KCNJ1: variants seen among roughly 807,000 people sequenced by gnomAD.
KCNJ1 encodes potassium inwardly rectifying channel subfamily J member 1.
In KCNJ1, 24 loss-of-function variants were observed where a neutral mutation model predicts 21.9. That is an observed-to-expected ratio of 1.10 (90% CI 0.79 to 1.54). KCNJ1 has a LOEUF of 1.54. Among genes scored for constraint, KCNJ1 ranks in the 40% most tolerant of loss-of-function variants. The pLI is 0.00. For missense variants in KCNJ1, 457 were observed against 455.4 expected, an observed-to-expected ratio of 1.00 and a Z score of -0.03; for synonymous variants, 152 against 160.9, an observed-to-expected ratio of 0.94 and a Z score of 0.42.
chr11:128,842,417 T>C, intron 2 of KCNJ1: 1 of 1,613,854 alleles, frequency 6.2e-7, no homozygotes, highest in South Asian at 1.1e-5. Context: ...GAAGCATTCA[T>C]GGCTGGAAAA....
chr11:128,865,344 G>T (rs114374041), intron 1 of KCNJ1, among the ~76,000 whole-genome samples: 1 of 151,994 alleles, frequency 6.6e-6, no homozygotes, highest in Non-Finnish European at 1.5e-5. Flanking sequence ...CATGCACATA[G>T]CCCCTAGCCC....
chr11:128,848,105 G>C (rs1400693628), intron 2 of KCNJ1, among the ~76,000 whole-genome samples: 1 of 151,956 alleles, frequency 6.6e-6, no homozygotes, highest in African/African-American at 2.4e-5. Flanking sequence ...TGGCTAACAT[G>C]GTGAAACTCC....
chr11:128,857,619 G>A (rs1235132728), intron 1 of KCNJ1, among the ~76,000 whole-genome samples: 2 of 152,216 alleles, frequency 1.3e-5, no homozygotes, highest in Non-Finnish European at 2.9e-5. Flanking sequence ...AGGGGAGAGA[G>A]AAGCTATTTT....
chr11:128,866,623 C>G (rs1324722302), intron 1 of KCNJ1: 1 of 613,438 alleles, frequency 1.6e-6, no homozygotes, highest in East Asian at 1.4e-4. Flanking sequence ...CCAAATGTAT[C>G]CATTCAGAAT....
chr11:128,838,517 C>G lies in KCNJ1; in HGVS notation c.*608G>C, dbSNP rs1943208323. On this transcript the variant is annotated 3_prime_UTR_variant, in exon 3 of 3. Coordinates refer to ENST00000392666, the MANE Select transcript of KCNJ1 (RefSeq NM_153766.3). The stretch of plus-strand genomic sequence containing the variant: ...ACCACTTTTAACTAAAGCATTCTGT[C>G]TTGCAGGAAGGTATCATCAAGATTC... 1 of 153,888 alleles carries G rather than the reference C, an allele frequency of 6.5e-6. No homozygotes were observed. The highest frequency in any genetic ancestry group is 2.4e-5 in the African/African-American group (1 of 41,454). The allele number at this position is 153,888 out of a possible 1,614,324, so 9.5% of individuals were successfully genotyped here.
chr11:128,840,289 A>G (rs1943262155), intron 2 of KCNJ1, 25 bp from the exon 3 acceptor site: 1 of 1,610,336 alleles, frequency 6.2e-7, no homozygotes, highest in Admixed American at 1.7e-5. Context: ...AAGAAAAACA[A>G]AAAAGGATTA....
intron 1 of KCNJ1, among the ~76,000 whole-genome samples, chr11:128,859,671 G>A (rs1438067483): frequency 2.0e-5 from 3 of 152,134 alleles, no homozygotes; most frequent in Non-Finnish European, 4.4e-5. Context: ...GGAAAGGCTG[G>A]CCCTCCCTCC....
In KCNJ1 at chr11:128,839,514, T is replaced by C. The variant is rs765371025; in HGVS notation, c.730A>G (p.Ile244Val). The C allele has an allele frequency of 4.3e-6, 7 of 1,614,094 alleles. No homozygotes were observed. Among genetic ancestry groups the C allele is most frequent in the African/African-American group, 1.3e-5 (1 of 74,934 alleles). Reference sequence around the variant, plus strand: ...ACATGGTAAATTGTCAATGGGGAGATGAAGAATAAATTTTCATTCCCAGCG... The same window carrying C: ...ACATGGTAAATTGTCAATGGGGAGACGAAGAATAAATTTTCATTCCCAGCG... ...VDAGNENLFF[I>V]SPLTIYHVID... The change falls in exon 3 of 3, where the codon ATC becomes GTC. Residue 244 changes from isoleucine to valine, a missense_variant. Coordinates refer to ENST00000392666, the MANE Select transcript of KCNJ1 (RefSeq NM_153766.3).
intron 1 of KCNJ1, among the ~76,000 whole-genome samples, chr11:128,860,538 T>A (rs1943686281): frequency 6.6e-6 from 1 of 152,186 alleles, no homozygotes. Flanking sequence ...AAGTCAGAGA[T>A]TCCAGAAGAT....
chr11:128,865,789 A>G (rs2135965595), intron 1 of KCNJ1, among the ~76,000 whole-genome samples: 1 of 152,298 alleles, frequency 6.6e-6, no homozygotes, highest in African/African-American at 2.4e-5. Flanking sequence ...AAAGGAAAAG[A>G]ACGTGAATGG....
At position 128,848,058 on chromosome 11, in the gene KCNJ1, G is replaced by A. The variant is rs182967595; in HGVS notation, c.-22+2663C>T. Among the ~76,000 whole-genome samples, 942 of 152,076 alleles carry A rather than the reference G, an allele frequency of 6.2e-3. 3 individuals carry two copies. The highest frequency in any genetic ancestry group is 0.01 in the Non-Finnish European group (697 of 67,974). The stretch of plus-strand genomic sequence containing the variant: ...AATCCCAGCACTTTGGGAGGCCGAG[G>A]TGGGTGGATCACGAGGTCAGGAGAT... On this transcript the variant is annotated intron_variant, in intron 2 of 2. Coordinates refer to ENST00000392666, the MANE Select transcript of KCNJ1 (RefSeq NM_153766.3).
chr11:128,844,753 GC>G (rs1385552537), intron 2 of KCNJ1, among the ~76,000 whole-genome samples: 2 of 151,840 alleles, frequency 1.3e-5, no homozygotes, highest in African/African-American at 4.8e-5. Flanking sequence ...CAGTCAAACA[GC>G]CACTATGTCA....
At chr11:128,848,334 C>T (rs1274174853) in intron 2 of KCNJ1, among the ~76,000 whole-genome samples, 1 of 150,288 alleles carries the variant, frequency 6.7e-6, no homozygotes, top group African/African-American at 2.5e-5. Context: ...CGGGTGTGCA[C>T]CACCATGCCC....
At chr11:128,840,310 A>G in intron 2 of KCNJ1, 46 bp from the exon 3 acceptor site, 2 of 1,573,350 alleles carry the variant, frequency 1.3e-6, no homozygotes, top group Non-Finnish European at 1.7e-6. Flanking sequence ...TGTTTATAGC[A>G]ATAGTGAACT....
Position 128,838,124 on chromosome 11 carries a change from A to AGGT in KCNJ1, c.*998_*1000dup, listed in dbSNP as rs1785995141. 6.5e-6 allele frequency: 1 copy of AGGT among 152,674 alleles called. No homozygotes were observed. The highest frequency in any genetic ancestry group is 1.5e-5 in the Non-Finnish European group (1 of 68,046). The allele number at this position is 152,674 out of a possible 1,614,324, so 9.5% of individuals were successfully genotyped here. A position where few individuals can be genotyped will look rare whatever the true frequency, so the allele number is the denominator to read the frequency against. ...TTCCAGGACACATTCGGAATGATGCAGGTGGGGATCTGAAGAAGACTTTCA... is the reference window on the plus strand; with the variant it reads ...TTCCAGGACACATTCGGAATGATGCAGGTGGTGGGGATCTGAAGAAGACTTTCA... On this transcript the variant is annotated 3_prime_UTR_variant, in exon 3 of 3. Coordinates refer to ENST00000392666, the MANE Select transcript of KCNJ1 (RefSeq NM_153766.3).
At chr11:128,860,521 C>T (rs768391582) in intron 1 of KCNJ1, among the ~76,000 whole-genome samples, 18 of 152,108 alleles carry the variant, frequency 1.2e-4, no homozygotes, top group Non-Finnish European at 1.9e-4. Context: ...GTCTCTGTGC[C>T]GTCACTAAGT....
intron 1 of KCNJ1, among the ~76,000 whole-genome samples, chr11:128,864,988 A>C (rs1310374184): frequency 6.6e-6 from 1 of 151,984 alleles, no homozygotes; most frequent in Non-Finnish European, 1.5e-5. Context: ...TCAGCATCAC[A>C]TACTAGGTCC....
intron 2 of KCNJ1, among the ~76,000 whole-genome samples, chr11:128,847,074 C>G (rs1308545409): frequency 1.3e-5 from 2 of 152,094 alleles, no homozygotes; most frequent in Non-Finnish European, 1.5e-5. Flanking sequence ...GTCTTCTCAC[C>G]TAGATAATAA....
At chr11:128,861,786 C>G (rs897574896) in intron 1 of KCNJ1, among the ~76,000 whole-genome samples, 1 of 152,086 alleles carries the variant, frequency 6.6e-6, no homozygotes, top group East Asian at 1.9e-4. Flanking sequence ...GTCCATTTCC[C>G]GCTGAAATGG....
Sources: allele counts gnomAD v4.1 joint callset (sites outside exome capture counted in the v4.1 genomes callset), GRCh38; gene constraint gnomAD v4.1.1; transcripts MANE v1.5; gene names NCBI Gene and HGNC (gene_info 2026-07-23, HGNC 2026-07-21).